LRP6: variants seen among roughly 807,000 people sequenced by gnomAD.
LRP6 encodes low-density lipoprotein receptor-related protein 6.
LRP6 carries 43 observed loss-of-function variants against 184.1 expected under a neutral mutation model. That is an observed-to-expected ratio of 0.23 (90% CI 0.18 to 0.30). The LOEUF is 0.30. Ranked by LOEUF, LRP6 falls within the 10% of genes least tolerant of loss-of-function variation. LRP6 has a pLI of 1.00. For missense variants in LRP6, 1,571 were observed against 2,005.3 expected (o/e 0.78, Z 4.14); for synonymous variants, 719 against 684.9 (o/e 1.05, Z -0.78).
intron 2 of LRP6, among the ~76,000 whole-genome samples, chr12:12,205,515 C>G (rs995586508): frequency 1.3e-5 from 2 of 151,980 alleles, no homozygotes; most frequent in Non-Finnish European, 2.9e-5. Context: ...TTCATATGAA[C>G]TGCTTACTCA....
chr12:12,208,622 C>A (rs2137054769), intron 2 of LRP6, among the ~76,000 whole-genome samples: 1 of 152,292 alleles, frequency 6.6e-6, no homozygotes, highest in Non-Finnish European at 1.5e-5. Context: ...TACCACATCA[C>A]AATGACTGGC....
At chr12:12,245,263 T>C (rs899023646) in intron 1 of LRP6, among the ~76,000 whole-genome samples, 2 of 152,148 alleles carry the variant, frequency 1.3e-5, no homozygotes, top group African/African-American at 4.8e-5. Context: ...AATGAACCCT[T>C]TGTACATGAA....
At chr12:12,137,351 T>C (rs752637348) in intron 16 of LRP6, among the ~76,000 whole-genome samples, 1 of 152,206 alleles carries the variant, frequency 6.6e-6, no homozygotes, top group Non-Finnish European at 1.5e-5. Context: ...TAGGGTAATT[T>C]TGATGACAGA....
chr12:12,174,444 CAAT>C (rs1319405230), intron 7 of LRP6, among the ~76,000 whole-genome samples: 1 of 152,080 alleles, frequency 6.6e-6, no homozygotes, highest in Non-Finnish European at 1.5e-5. Context: ...TTAAGAAACA[CAAT>C]GTTACAAATT....
At position 12,181,293 on chromosome 12, in the gene LRP6, A is replaced by G; in HGVS notation, c.1123T>C (p.Tyr375His). 1 of 1,614,220 alleles carries G rather than the reference A, an allele frequency of 6.2e-7. No homozygotes were observed. The highest frequency in any genetic ancestry group is 2.2e-5 in the East Asian group (1 of 44,894). The change falls in exon 6 of 23, where the codon TAC (tyrosine) becomes CAC (histidine). Residue 375 changes from tyrosine (Y) to histidine (H), a missense_variant. Physicochemically the swap from Tyr to His is moderately conservative, Grantham distance 83 (BLOSUM62 2). This residue lies in a region of LRP6 where 640 missense variants were observed against 851.9 expected (regional missense o/e 0.75). Transcript: ENST00000261349. ...GCCCTCACTTCATCATCAGTCCAGT[A>G]GATGTAGCCTTCCACAGGATCGTAA... ...IDYDPVEGYI[Y>H]WTDDEVRAIR... is the part of the protein sequence containing the mutation.
intron 6 of LRP6, 69 bp from the exon 7 acceptor site, chr12:12,180,050 G>A: frequency 3.1e-6 from 4 of 1,307,630 alleles, no homozygotes; most frequent in Non-Finnish European, 3.3e-6. Context: ...TTCTAAAGGT[G>A]AGATCCATCC....
chr12:12,124,495 T>C (rs1949646192), intron 22 of LRP6, 70 bp downstream of exon 22: 2 of 1,059,826 alleles, frequency 1.9e-6, no homozygotes, highest in Non-Finnish European at 3.0e-6. Context: ...CATTTGGGGC[T>C]ATATCAGGTC....
chr12:12,222,619 A>G (rs1399739256), intron 2 of LRP6, among the ~76,000 whole-genome samples: 1 of 151,902 alleles, frequency 6.6e-6, no homozygotes, highest in Non-Finnish European at 1.5e-5. Flanking sequence ...TTGCGGGGGA[A>G]ATATTCCAAG....
intron 15 of LRP6, among the ~76,000 whole-genome samples, chr12:12,140,356 G>C (rs921530306): frequency 2.6e-5 from 4 of 152,010 alleles, no homozygotes; most frequent in African/African-American, 9.7e-5. Flanking sequence ...GCTCTCCTCA[G>C]AAAGTATAAC....
At chr12:12,129,081 G>T (rs759166499) in intron 19 of LRP6, among the ~76,000 whole-genome samples, 21 of 152,202 alleles carry the variant, frequency 1.4e-4, no homozygotes, top group Non-Finnish European at 2.6e-4. Context: ...GTCAGAAAGT[G>T]TTCTATATAA....
At chr12:12,173,289 A>T (rs1863093222) in intron 7 of LRP6, among the ~76,000 whole-genome samples, 1 of 152,202 alleles carries the variant, frequency 6.6e-6, no homozygotes, top group African/African-American at 2.4e-5. Flanking sequence ...TTAACATGTC[A>T]ACAAGGGAAA....
chr12:12,159,018 T>C lies in LRP6; in HGVS notation c.2602A>G (p.Ile868Val), dbSNP rs753471672. The change falls in exon 12 of 23, where the codon ATC (isoleucine) becomes GTC (valine). Residue 868 changes from isoleucine to valine, a missense_variant. Ile to Val is a conservative substitution (Grantham distance 29). Around this residue, in one of 4 missense-constraint regions of LRP6, gnomAD observed 158 missense variants for 258.4 expected, o/e 0.61. Coordinates refer to ENST00000261349, the MANE Select transcript of LRP6 (RefSeq NM_002336.3). ...ACATAATCCAAATGGCCCTGAATGA[T>C]GGTGCGGTTTTGGCCACTGGTTTTG... Reference protein sequence around the residue: ...ANKTSGQNRTIIQGHLDYVMD... With the variant: ...ANKTSGQNRTVIQGHLDYVMD... The C allele has an allele frequency of 1.5e-5, 24 of 1,614,090 alleles. No individual in the cohort carries two copies. The highest frequency in any genetic ancestry group is 1.6e-4 in the Middle Eastern group (1 of 6,084).
intron 7 of LRP6, among the ~76,000 whole-genome samples, chr12:12,170,628 G>A (rs1176470877): frequency 6.6e-6 from 1 of 151,758 alleles, no homozygotes; most frequent in Non-Finnish European, 1.5e-5. Flanking sequence ...AAAATTAATT[G>A]GTTCCTTTTT....
intron 17 of LRP6, among the ~76,000 whole-genome samples, chr12:12,133,560 T>C (rs1473789358): frequency 6.6e-6 from 1 of 152,110 alleles, no homozygotes; most frequent in African/African-American, 2.4e-5. Flanking sequence ...AATTAAACTT[T>C]TTCTTTATAA....
At chr12:12,138,873 G>C (rs1949887752) in intron 15 of LRP6, 2 of 1,375,594 alleles carry the variant, frequency 1.5e-6, no homozygotes, top group Admixed American at 1.9e-5. Context: ...AGTGGTGGTG[G>C]ACCCAGAGTT....
At position 12,266,679 on chromosome 12, in the gene LRP6, A is replaced by C. The variant is rs1592001667; in HGVS notation, c.55+2T>G. On this transcript the variant is annotated splice_donor_variant, in intron 1 of 22. Transcript: ENST00000261349. LOFTEE classifies it high-confidence loss of function. ...ACTTTCCAGTGCCCCCACTCTTCCC[A>C]CCTCTCAGGAGCACACAGAAGCTGC... 6.4e-7 allele frequency: 1 copy of C among 1,570,572 alleles called. No individual in the cohort carries two copies. Among genetic ancestry groups the C allele is most frequent in the Non-Finnish European group, 8.6e-7 (1 of 1,161,840 alleles).
intron 22 of LRP6, among the ~76,000 whole-genome samples, chr12:12,123,941 C>T (rs1202475738): frequency 6.6e-6 from 1 of 152,154 alleles, no homozygotes; most frequent in African/African-American, 2.4e-5. Flanking sequence ...CCAATCTTAT[C>T]CCAATATTTC....
chr12:12,169,505 G>GAGA (rs1384904537), intron 7 of LRP6, among the ~76,000 whole-genome samples: 1 of 152,154 alleles, frequency 6.6e-6, no homozygotes, highest in Non-Finnish European at 1.5e-5. Context: ...TCAGGAAGAA[G>GAGA]AGAGCAAAGC....
In LRP6 at chr12:12,193,635, A is replaced by C. The variant is rs538746752; in HGVS notation, c.648-6516T>G. 1.2e-4 allele frequency among the ~76,000 whole-genome samples: 19 copies of C among 152,222 alleles called. 1 individual carries two copies. In the South Asian group the frequency reaches 3.9e-3, roughly 32 times the overall value. ...TGCCAACAAATTAGACAAATTTATG[A>C]AACAAAAATATTCCTGGAAAAAAAC... On this transcript the variant is annotated intron_variant, in intron 3 of 22. Transcript: ENST00000261349.
Sources: allele counts gnomAD v4.1 joint callset (sites outside exome capture counted in the v4.1 genomes callset), GRCh38; gene constraint gnomAD v4.1.1; regional missense constraint gnomAD v4.1.1; transcripts MANE v1.5; gene names NCBI Gene and HGNC (gene_info 2026-07-23, HGNC 2026-07-21).